SPRR2G: variants seen among roughly 807,000 people sequenced by gnomAD.
SPRR2G encodes the protein small proline rich protein 2G, also known as small proline-rich protein 2G.
Under a neutral mutation model 0.7 loss-of-function variants are expected in SPRR2G, and 1 was observed. The observed-to-expected ratio is 1.49, with a 90% CI of 0.53 to 7.06. SPRR2G has a LOEUF of 7.06. SPRR2G is among the 30% of genes most tolerant of loss of function. SPRR2G has a pLI of 0.14. For synonymous variants in SPRR2G, 38 were observed against 33.9 expected (o/e 1.12, Z -0.42); for missense variants, 96 against 88.5 (o/e 1.09, Z -0.34).
chr1:153,172,692 C>T, the SPRR2G span, among the ~76,000 whole-genome samples: 2 of 152,194 alleles, frequency 1.3e-5, no homozygotes, highest in Non-Finnish European at 2.9e-5. Context: ...CTGGGGCAAA[C>T]CCTTTTGTTT....
the SPRR2G span, among the ~76,000 whole-genome samples, chr1:153,162,624 C>CAT: frequency 6.6e-6 from 1 of 151,600 alleles, no homozygotes; most frequent in Non-Finnish European, 1.5e-5. Flanking sequence ...GCTTGGTGAC[C>CAT]AGAGAGAAAG....
chr1:153,159,815 T>C, the SPRR2G span, among the ~76,000 whole-genome samples: 1 of 152,112 alleles, frequency 6.6e-6, no homozygotes, highest in East Asian at 1.9e-4. Flanking sequence ...AGCCATTAGA[T>C]CTCATAAGAA....
the SPRR2G span, among the ~76,000 whole-genome samples, chr1:153,202,985 G>A: frequency 1.3e-5 from 2 of 152,218 alleles, no homozygotes; most frequent in Admixed American, 6.5e-5. Flanking sequence ...TAACCCAATT[G>A]TGTGGGGTGG....
the SPRR2G span, among the ~76,000 whole-genome samples, chr1:153,201,069 C>T: frequency 6.6e-6 from 1 of 152,162 alleles, no homozygotes; most frequent in Admixed American, 6.5e-5. Flanking sequence ...TCTAGGCAAG[C>T]CGGGCTTTGA....
intron 1 of SPRR2G, among the ~76,000 whole-genome samples, chr1:153,150,562 G>A (rs977839870): frequency 6.6e-6 from 1 of 152,142 alleles, no homozygotes; most frequent in Non-Finnish European, 1.5e-5. Context: ...CACCCAAGGA[G>A]ATTGCACTCC....
At chr1:153,172,202 A>G in the SPRR2G span, among the ~76,000 whole-genome samples, 1 of 152,002 alleles carries the variant, frequency 6.6e-6, no homozygotes, top group Non-Finnish European at 1.5e-5. Context: ...GACTGAAAAA[A>G]CTATCCTTAA....
the SPRR2G span, among the ~76,000 whole-genome samples, chr1:153,201,260 T>C: frequency 1.3e-4 from 20 of 152,256 alleles, no homozygotes; most frequent in Admixed American, 9.2e-4. Flanking sequence ...AGTGCTGACC[T>C]TTACAGAGGA....
chr1:153,182,268 G>GT, the SPRR2G span, among the ~76,000 whole-genome samples: 1 of 151,656 alleles, frequency 6.6e-6, no homozygotes, highest in African/African-American at 2.4e-5. Flanking sequence ...GGATTGTTTG[G>GT]TTTTTTGCTG....
upstream of SPRR2G, among the ~76,000 whole-genome samples, chr1:153,154,646 G>A (rs1015066256): frequency 3.3e-5 from 5 of 152,010 alleles, no homozygotes; most frequent in Admixed American, 3.3e-4. Context: ...CTATATAGTT[G>A]TTCATAAGCA....
the SPRR2G span, among the ~76,000 whole-genome samples, chr1:153,172,190 C>T: frequency 6.6e-5 from 10 of 152,280 alleles, no homozygotes; most frequent in African/African-American, 2.2e-4. Context: ...TCAACACTCC[C>T]TGACTGAAAA....
the SPRR2G span, among the ~76,000 whole-genome samples, chr1:153,163,791 C>T: frequency 6.6e-6 from 1 of 152,130 alleles, no homozygotes; most frequent in East Asian, 1.9e-4. Flanking sequence ...TCCTAAACAG[C>T]CAGTTAACAT....
the SPRR2G span, among the ~76,000 whole-genome samples, chr1:153,198,391 T>C: frequency 4.1e-4 from 62 of 152,270 alleles, no homozygotes; most frequent in Non-Finnish European, 3.4e-4. Flanking sequence ...CTGTGGGGGT[T>C]GAATTAGTGG....
chr1:153,202,827 A>G, the SPRR2G span, among the ~76,000 whole-genome samples: 1 of 152,158 alleles, frequency 6.6e-6, no homozygotes, highest in East Asian at 1.9e-4. Context: ...CCTGTGTCTA[A>G]GCCTACCCAC....
chr1:153,181,077 G>C, the SPRR2G span, among the ~76,000 whole-genome samples: 1 of 151,472 alleles, frequency 6.6e-6, no homozygotes, highest in African/African-American at 2.4e-5. Flanking sequence ...CTGTGGCTTG[G>C]CATTTTGCAA....
At chr1:153,188,517 C>A in the SPRR2G span, among the ~76,000 whole-genome samples, 1 of 152,144 alleles carries the variant, frequency 6.6e-6, no homozygotes, top group Non-Finnish European at 1.5e-5. Context: ...CTCAGTAATG[C>A]TAGACACACC....
chr1:153,163,812 A>T, the SPRR2G span, among the ~76,000 whole-genome samples: 2 of 152,128 alleles, frequency 1.3e-5, no homozygotes, highest in East Asian at 3.9e-4. Flanking sequence ...TTCGACCTAG[A>T]TTATCACAGC....
At chr1:153,160,771 G>T in the SPRR2G span, among the ~76,000 whole-genome samples, 3 of 151,108 alleles carry the variant, frequency 2.0e-5, no homozygotes, top group African/African-American at 7.4e-5. Context: ...AAAACATGCT[G>T]CTATAAAGAC....
At chr1:153,201,599 A>G in the SPRR2G span, among the ~76,000 whole-genome samples, 11 of 152,336 alleles carry the variant, frequency 7.2e-5, no homozygotes, top group East Asian at 1.9e-3. Context: ...GGAAATTCTT[A>G]TGAAAGGAGT....
At chr1:153,151,133 A>G (rs531269320), upstream of SPRR2G, among the ~76,000 whole-genome samples, 8 of 152,356 alleles carry the variant, frequency 5.3e-5, no homozygotes, top group African/African-American at 1.9e-4. Flanking sequence ...AAATTGTCTG[A>G]CAATTGTGGT....
Sources: allele counts gnomAD v4.1 joint callset (sites outside exome capture counted in the v4.1 genomes callset), GRCh38; gene constraint gnomAD v4.1.1; transcripts MANE v1.5; gene names NCBI Gene and HGNC (gene_info 2026-07-23, HGNC 2026-07-21).